The following ZNF480 variants were observed in gnomAD, a reference collection of about 807,000 sequenced individuals.
ZNF480 encodes the protein zinc finger protein 480.
A neutral mutation model predicts 14.4 loss-of-function variants in ZNF480; 15 were observed. That is an observed-to-expected ratio of 1.04 (90% CI 0.70 to 1.60). ZNF480 has a LOEUF of 1.60. ZNF480 is among the 40% of genes most tolerant of loss of function. The probability of loss-of-function intolerance (pLI) is 0.00; values close to 1 mark genes in which losing one functional copy is unlikely to be tolerated. For synonymous variants in ZNF480, 218 were observed against 215.5 expected (o/e 1.01, Z -0.10); for missense variants, 593 against 629.7 (o/e 0.94, Z 0.62).
In ZNF480 at chr19:52,321,842, C is replaced by G; in HGVS notation, c.592C>G (p.Leu198Val). ...TCTCCCACAAGAACAGAAAGTACAC[C>G]TTAGAGAAAAACCTTATGAATGTAA... Reference protein sequence around the residue: ...SFLPQEQKVHLREKPYECNEH... With the variant: ...SFLPQEQKVHVREKPYECNEH... The change falls in exon 5 of 5, where the codon CTT becomes GTT. Residue 198 changes from leucine (L) to valine (V), a missense_variant. By Grantham distance (32) the Leu-to-Val change is conservative. Coordinates refer to ENST00000595962, the MANE Select transcript of ZNF480 (RefSeq NM_144684.4). 1 of 1,614,080 alleles carries G rather than the reference C, an allele frequency of 6.2e-7. No homozygotes were observed. The highest frequency in any genetic ancestry group is 8.5e-7 in the Non-Finnish European group (1 of 1,179,996).
At chr19:52,311,402 C>T (rs1034831468) in intron 2 of ZNF480, among the ~76,000 whole-genome samples, 1 of 151,752 alleles carries the variant, frequency 6.6e-6, no homozygotes, top group Non-Finnish European at 1.5e-5. Flanking sequence ...GTTCTCAAAC[C>T]CCTGTCCTCA....
In ZNF480 at chr19:52,323,905, A is replaced by G. The variant is rs1983968007; in HGVS notation, c.*1047A>G. ...GAACTGGAAAATGACAGGGATGACC[A>G]CTCTCACCACTCCGATTCAACATAG... is the stretch of plus-strand genomic sequence containing the variant. On this transcript the variant is annotated 3_prime_UTR_variant, in exon 5 of 5. Transcript: ENST00000595962. 2 of 151,974 alleles carry G rather than the reference A, an allele frequency of 1.3e-5. No individual in the cohort carries two copies. The highest frequency in any genetic ancestry group is 6.6e-5 in the Admixed American group (1 of 15,232). The allele number at this position is 151,974 out of a possible 1,614,324, so 9.4% of individuals were successfully genotyped here. A position where few individuals can be genotyped will look rare whatever the true frequency, so the allele number is the denominator to read the frequency against.
At position 52,324,758 on chromosome 19, in the gene ZNF480, C is replaced by T. The variant is rs1273699041; in HGVS notation, c.*1900C>T. ...AGGATATTGAAACTGGACCCCTATC[C>T]TTCACGATATACAAAAATCAACTCA... is the stretch of plus-strand genomic sequence containing the variant. On this transcript the variant is annotated 3_prime_UTR_variant, in exon 5 of 5. Coordinates refer to ENST00000595962, the MANE Select transcript of ZNF480 (RefSeq NM_144684.4). 6.6e-6 allele frequency: 1 copy of T among 152,070 alleles called. No homozygotes were observed. The highest frequency in any genetic ancestry group is 1.5e-5 in the Non-Finnish European group (1 of 68,004). 9.4% of individuals were successfully genotyped at this position (152,070 alleles called of 1,614,324 possible). A position where few individuals can be genotyped will look rare whatever the true frequency, so the allele number is the denominator to read the frequency against.
intron 4 of ZNF480, among the ~76,000 whole-genome samples, chr19:52,316,218 T>TTCTTTCTTTCTTTCTA (rs1983550600): frequency 6.6e-6 from 1 of 151,496 alleles, no homozygotes; most frequent in Non-Finnish European, 1.5e-5. Context: ...CTTTCTTTCT[T>TTCTTTCTTTCTTTCTA]TCTTCCTTTC....
At position 52,322,421 on chromosome 19, in the gene ZNF480, A is replaced by C. The variant is rs764983626; in HGVS notation, c.1171A>C (p.Arg391=). The change falls in exon 5 of 5, where the codon AGA becomes CGA. Residue 391 remains arginine (R), a synonymous_variant. Coordinates refer to ENST00000595962, the MANE Select transcript of ZNF480 (RefSeq NM_144684.4). ...IQNSHLAQHW[R]IHTGEKPYKC... ...AAATTCGCACCTAGCACAACATTGG[A>C]GAATTCATACAGGAGAGAAACCTTA... 1 of 1,614,080 alleles carries C rather than the reference A, an allele frequency of 6.2e-7. No individual in the cohort carries two copies. Among genetic ancestry groups the C allele is most frequent in the Non-Finnish European group, 8.5e-7 (1 of 1,180,000 alleles).
intron 4 of ZNF480, among the ~76,000 whole-genome samples, chr19:52,319,255 A>T (rs987052713): frequency 6.6e-6 from 1 of 152,144 alleles, no homozygotes; most frequent in Admixed American, 6.6e-5. Flanking sequence ...GGCTCCCTGT[A>T]GCATTTCTTG....
Position 52,297,606 on chromosome 19 carries a change from A to C in ZNF480, c.-20+383A>C, listed in dbSNP as rs181436132. On this transcript the variant is annotated intron_variant, in intron 1 of 4. Transcript: ENST00000595962. ...GAGCACAGCGCTCCAATCTCAATCC[A>C]GGAGAAGCCGCGTCTTCTGCCCAGT... 2.2e-3 allele frequency among the ~76,000 whole-genome samples: 334 copies of C among 152,228 alleles called. 6 individuals are homozygous for C. In the East Asian group the frequency reaches 0.029, roughly 13 times the overall value.
chr19:52,304,457 A>G (rs1982833635), intron 2 of ZNF480, among the ~76,000 whole-genome samples: 1 of 152,052 alleles, frequency 6.6e-6, no homozygotes, highest in African/African-American at 2.4e-5. Flanking sequence ...TCCTTTTTCT[A>G]ATTGTTCAGT....
At chr19:52,316,008 C>T in intron 4 of ZNF480, 46 bp downstream of exon 4, 17 of 1,469,414 alleles carry the variant, frequency 1.2e-5, no homozygotes, top group African/African-American at 2.9e-5. Context: ...GTTGTTTGGG[C>T]TTTTTTTTTG....
chr19:52,298,085 A>G (rs1001745030), intron 1 of ZNF480, among the ~76,000 whole-genome samples: 24 of 151,816 alleles, frequency 1.6e-4, no homozygotes, highest in African/African-American at 5.8e-4. Context: ...AAGGACAGCA[A>G]GATAGTGAGA....
chr19:52,297,224 G>GA lies in ZNF480; in HGVS notation c.-20+1_-20+2insA. 1 of 443,456 alleles carries GA rather than the reference G, an allele frequency of 2.3e-6. No homozygotes were observed. The highest frequency in any genetic ancestry group is 1.6e-5 in the South Asian group (1 of 63,706). 27.5% of individuals were successfully genotyped at this position (443,456 alleles called of 1,614,324 possible). A position where few individuals can be genotyped will look rare whatever the true frequency, so the allele number is the denominator to read the frequency against. On this transcript the variant is annotated splice_donor_variant, in intron 1 of 4. Coordinates refer to ENST00000595962, the MANE Select transcript of ZNF480 (RefSeq NM_144684.4). LOFTEE classifies it low-confidence loss of function (5UTR_SPLICE). ...TGGAGTGAAGGTCACGCCGCGGCGCGTGAGTTTCCCTTTGTGTAAATTAAT... is the reference window on the plus strand; with the variant it reads ...TGGAGTGAAGGTCACGCCGCGGCGCGATGAGTTTCCCTTTGTGTAAATTAAT...
intron 1 of ZNF480, among the ~76,000 whole-genome samples, chr19:52,300,187 T>C (rs1034111098): frequency 1.3e-5 from 2 of 152,196 alleles, no homozygotes; most frequent in African/African-American, 4.8e-5. Context: ...TGTGGGCATC[T>C]CTAGGAGGGG....
chr19:52,303,047 G>A (rs1982771105), intron 2 of ZNF480, among the ~76,000 whole-genome samples: 1 of 152,156 alleles, frequency 6.6e-6, no homozygotes, highest in South Asian at 2.1e-4. Context: ...AATCATAACT[G>A]AGCATTTTTA....
intron 2 of ZNF480, chr19:52,308,847 ATT>A (rs1983123454): frequency 3.3e-4 from 10 of 30,048 alleles, no homozygotes; most frequent in South Asian, 1.2e-3. Context: ...TTGTCCACGA[ATT>A]ATTATTATCA....
rs938384786 is a variant in ZNF480, at chr19:52,313,921, G to A, written c.73-232G>A. Reference sequence around the variant, plus strand: ...TTGAACCCAGGAGGCGGAGGTTGCAGTGAGCCGAGATTGCACCACTGCACT... The same window carrying A: ...TTGAACCCAGGAGGCGGAGGTTGCAATGAGCCGAGATTGCACCACTGCACT... On this transcript the variant is annotated intron_variant, in intron 2 of 4. Transcript: ENST00000595962. 6.7e-5 allele frequency: 26 copies of A among 388,656 alleles called. No homozygotes were observed. In the Admixed American group the frequency reaches 8.1e-4, roughly 12 times the overall value. The allele number at this position is 388,656 out of a possible 1,614,324, so 24.1% of individuals were successfully genotyped here.
chr19:52,302,081 A>T, intron 2 of ZNF480: 1 of 244,198 alleles, frequency 4.1e-6, no homozygotes, highest in Non-Finnish European at 8.1e-6. Context: ...CTGGCTCATG[A>T]TAAGGTTTCA....
chr19:52,315,799 C>A, intron 3 of ZNF480, 35 bp from the exon 4 acceptor site: 2 of 1,589,412 alleles, frequency 1.3e-6, no homozygotes, highest in South Asian at 1.1e-5. Flanking sequence ...TTTGGAGATG[C>A]TACAGCACAT....
chr19:52,312,406 C>T lies in ZNF480; in HGVS notation c.73-1747C>T, dbSNP rs112358834. On this transcript the variant is annotated intron_variant, in intron 2 of 4. Transcript: ENST00000595962. ...TGATCCCCTGACCTTGTGATCCACC[C>T]GCCTTGACCTCCCAAAGTGCTGGGA... 5.2e-3 allele frequency among the ~76,000 whole-genome samples: 788 copies of T among 152,176 alleles called. 11 individuals carry two copies. Among genetic ancestry groups the T allele is most frequent in the East Asian group, 0.029 (150 of 5,170 alleles).
At chr19:52,297,503 C>A (rs1285038975) in intron 1 of ZNF480, among the ~76,000 whole-genome samples, 1 of 152,032 alleles carries the variant, frequency 6.6e-6, no homozygotes, top group Admixed American at 6.5e-5. Context: ...TACATCCGCC[C>A]CGCACAGCGT....
Sources: gnomAD v4.1 joint callset for allele counts (sites outside exome capture counted in the v4.1 genomes callset) on GRCh38, gnomAD v4.1.1 for gene constraint, MANE v1.5 for transcripts, NCBI Gene and HGNC (gene_info 2026-07-23, HGNC 2026-07-21) for gene names.